DIO1: variants seen among roughly 807,000 people sequenced by gnomAD.
DIO1 encodes the protein iodothyronine deiodinase 1.
A neutral mutation model predicts 25.9 loss-of-function variants in DIO1; 17 were observed. The observed-to-expected ratio is 0.66, with a 90% CI of 0.45 to 0.98. The LOEUF (loss-of-function observed/expected upper bound fraction) is 0.98. Ranked by LOEUF, DIO1 falls within the 50% of genes least tolerant of loss-of-function variation. The pLI is 0.00. For missense variants in DIO1, 270 were observed against 310.4 expected, an observed-to-expected ratio of 0.87 and a Z score of 0.98; for synonymous variants, 115 against 114.0, an observed-to-expected ratio of 1.01 and a Z score of -0.05.
Position 53,894,524 on chromosome 1 carries a change from G to A in DIO1, c.314G>A (p.Cys105Tyr). ...GTGGTCCGCCTCTCAGGACAGAGGT[G>A]CAACATTTGGGAGTTTATGCAAGGT... ...CPVVRLSGQRCNIWEFMQGNR... is the reference protein window; with the variant it reads ...CPVVRLSGQRYNIWEFMQGNR... Residue 105 changes from cysteine (C) to tyrosine (Y), a missense_variant, in exon 1 of 4, where the codon TGC becomes TAC. Coordinates refer to ENST00000361921, the MANE Select transcript of DIO1 (RefSeq NM_000792.7). The surrounding 1 kb of genome is among the most constrained non-coding windows in gnomAD (Gnocchi z 4.9). The A allele has an allele frequency of 6.2e-7, 1 of 1,614,008 alleles. No individual in the cohort carries two copies. Among genetic ancestry groups the A allele is most frequent in the Non-Finnish European group, 8.5e-7 (1 of 1,179,928 alleles).
chr1:53,898,759 A>T (rs2100763037), intron 1 of DIO1, among the ~76,000 whole-genome samples: 1 of 151,728 alleles, frequency 6.6e-6, no homozygotes, highest in African/African-American at 2.4e-5. Context: ...AAAAAAAAAA[A>T]AAAAGAGACA....
At position 53,910,104 on chromosome 1, in the gene DIO1, G is replaced by C. The variant is rs1651872307; in HGVS notation, c.*105G>C. The stretch of plus-strand genomic sequence containing the variant: ...TTACCCTTGACCTGTGTCCCTAGCT[G>C]AATCACTAGCTCAGATTTTTCTGAT... On this transcript the variant is annotated 3_prime_UTR_variant, in exon 4 of 4. Coordinates refer to ENST00000361921, the MANE Select transcript of DIO1 (RefSeq NM_000792.7). 2 of 946,900 alleles carry C rather than the reference G, an allele frequency of 2.1e-6. No individual in the cohort carries two copies. The highest frequency in any genetic ancestry group is 3.4e-6 in the Non-Finnish European group (2 of 583,864). The allele number at this position is 946,900 out of a possible 1,614,324, so 58.7% of individuals were successfully genotyped here. A position where few individuals can be genotyped will look rare whatever the true frequency, so the allele number is the denominator to read the frequency against.
At chr1:53,900,329 C>T (rs993177098) in intron 1 of DIO1, among the ~76,000 whole-genome samples, 1 of 152,124 alleles carries the variant, frequency 6.6e-6, no homozygotes, top group African/African-American at 2.4e-5. Context: ...TCTGGCCAGG[C>T]GCAGTGGCTC....
intron 1 of DIO1, among the ~76,000 whole-genome samples, chr1:53,895,183 G>C (rs1042740008): frequency 6.6e-6 from 1 of 152,166 alleles, no homozygotes; most frequent in African/African-American, 2.4e-5. Flanking sequence ...CCGGCACTTT[G>C]GGAGATTGAG....
Position 53,906,336 on chromosome 1 carries a change from C to T in DIO1, c.681+42C>T, listed in dbSNP as rs754150735. The T allele has an allele frequency of 2.6e-6, 4 of 1,554,518 alleles. No individual in the cohort carries two copies. The South Asian group carries it at 4.6e-5, about 18-fold the overall frequency. On this transcript the variant is annotated intron_variant, in intron 3 of 3. Transcript: ENST00000361921. ...AGGGGGCCCAGGGAGGGCAAAGGGG[C>T]CCAGGGAGGGCAAGGGCAAAGAGAA...
At chr1:53,900,514 G>A (rs1249924018) in intron 1 of DIO1, among the ~76,000 whole-genome samples, 1 of 152,204 alleles carries the variant, frequency 6.6e-6, no homozygotes, top group Non-Finnish European at 1.5e-5. Context: ...TGAGGCAGGA[G>A]AATTCCTTGA....
chr1:53,908,071 A>C (rs1451318663), intron 3 of DIO1, among the ~76,000 whole-genome samples: 1 of 151,190 alleles, frequency 6.6e-6, no homozygotes, highest in East Asian at 1.9e-4. Flanking sequence ...AAAATACAAA[A>C]ATTAGCCAGG....
intron 1 of DIO1, among the ~76,000 whole-genome samples, chr1:53,895,348 C>T (rs1223658434): frequency 4.6e-5 from 7 of 152,116 alleles, no homozygotes; most frequent in Admixed American, 2.0e-4. Flanking sequence ...TCTTGAACCC[C>T]GGTGGCGGAG....
At chr1:53,908,414 G>A (rs1353612491) in intron 3 of DIO1, among the ~76,000 whole-genome samples, 1 of 152,162 alleles carries the variant, frequency 6.6e-6, no homozygotes, top group Non-Finnish European at 1.5e-5. Flanking sequence ...AGTAATCCCT[G>A]TCGCAACAAT....
Position 53,894,283 on chromosome 1 carries a change from G to A in DIO1, c.73G>A (p.Val25Met), listed in dbSNP as rs1202223496. The A allele has an allele frequency of 1.4e-5, 22 of 1,614,136 alleles. No homozygotes were observed. Among genetic ancestry groups the A allele is most frequent in the Middle Eastern group, 1.6e-4 (1 of 6,084 alleles). ...VLLEVAVHVV[V>M]GKVLLILFPD... ...CTTGGAGGTGGCTGTGCATGTGGTC[G>A]TGGGTAAAGTGCTTCTGATATTGTT... Residue 25 changes from valine to methionine, a missense_variant, in exon 1 of 4, where the codon GTG becomes ATG. By Grantham distance (21) the Val-to-Met change is conservative. Transcript: ENST00000361921. This position sits in a 1 kb window ranked among gnomAD's most constrained non-coding sequence, Gnocchi z 4.9.
chr1:53,909,844 C>T (rs1409983060), intron 3 of DIO1, 87 bp from the exon 4 acceptor site: 10 of 1,301,488 alleles, frequency 7.7e-6, no homozygotes, highest in Non-Finnish European at 1.0e-5. Flanking sequence ...ATTTGACCAC[C>T]TCTTGCAACT....
rs113762838 is a variant in DIO1, at chr1:53,906,193, T to C, written c.580T>C (p.Cys194Arg). ...AHLLLARSPQ[C>R]PVVVDTMQNQ... The stretch of plus-strand genomic sequence containing the variant: ...TCTACTGCTGGCCAGGAGCCCCCAG[T>C]GCCCTGTGGTGGTGGACACCATGCA... Residue 194 changes from cysteine to arginine, a missense_variant, in exon 3 of 4, where the codon TGC becomes CGC. Transcript: ENST00000361921. The C allele has an allele frequency of 6.2e-7, 1 of 1,614,172 alleles. No individual in the cohort carries two copies. Among genetic ancestry groups the C allele is most frequent in the Non-Finnish European group, 8.5e-7 (1 of 1,180,020 alleles).
At chr1:53,905,340 G>C in intron 2 of DIO1, among the ~76,000 whole-genome samples, 1 of 151,754 alleles carries the variant, frequency 6.6e-6, no homozygotes, top group Non-Finnish European at 1.5e-5. Context: ...TGCCCAGCTA[G>C]TTTTTTGTAT....
Position 53,910,729 on chromosome 1 carries a change from T to C in DIO1, c.*730T>C, listed in dbSNP as rs1426284683. 6.6e-6 allele frequency: 1 copy of C among 152,296 alleles called. No homozygotes were observed. The highest frequency in any genetic ancestry group is 1.5e-5 in the Non-Finnish European group (1 of 68,074). 9.4% of individuals were successfully genotyped at this position (152,296 alleles called of 1,614,324 possible). On this transcript the variant is annotated 3_prime_UTR_variant, in exon 4 of 4. Transcript: ENST00000361921. ...AAATCTAGCTCTCTGTACCCTGAAA[T>C]CTTCCACTAGCCTCACTTTTCAACA... is the stretch of plus-strand genomic sequence containing the variant.
chr1:53,897,827 A>G (rs1444260439), intron 1 of DIO1, among the ~76,000 whole-genome samples: 5 of 152,216 alleles, frequency 3.3e-5, no homozygotes, highest in African/African-American at 9.6e-5. Flanking sequence ...ACTCCAGCCT[A>G]GGTAACAGAG....
chr1:53,894,499 G>A lies in DIO1; in HGVS notation c.289G>A (p.Val97Met). 6.2e-7 allele frequency: 1 copy of A among 1,614,214 alleles called. No homozygotes were observed. The highest frequency in any genetic ancestry group is 1.6e-4 in the Middle Eastern group (1 of 6,062). The change falls in exon 1 of 4, where the codon GTG (valine) becomes ATG (methionine). Residue 97 changes from valine to methionine, a missense_variant. By Grantham distance (21) the Val-to-Met change is conservative. Transcript: ENST00000361921. The surrounding 1 kb of genome is among the most constrained non-coding windows in gnomAD (Gnocchi z 4.9). Reference sequence around the variant, plus strand: ...AGGGGGTCTGGCCCCAAACTGCCCGGTGGTCCGCCTCTCAGGACAGAGGTG... The same window carrying A: ...AGGGGGTCTGGCCCCAAACTGCCCGATGGTCCGCCTCTCAGGACAGAGGTG... Reference protein sequence around the residue: ...ELGGLAPNCPVVRLSGQRCNI... With the variant: ...ELGGLAPNCPMVRLSGQRCNI...
chr1:53,894,537 G>A lies in DIO1; in HGVS notation c.327G>A (p.Glu109=). Residue 109 remains glutamate (E), a synonymous_variant, in exon 1 of 4, where the codon GAG becomes GAA. Transcript: ENST00000361921. This position sits in a 1 kb window ranked among gnomAD's most constrained non-coding sequence, Gnocchi z 4.9. ...RLSGQRCNIW[E]FMQGNRPLVL... ...CAGGACAGAGGTGCAACATTTGGGA[G>A]TTTATGCAAGGTCAGGAGGCTGCCA... The A allele has an allele frequency of 2.5e-6, 4 of 1,613,312 alleles. No homozygotes were observed. The highest frequency in any genetic ancestry group is 2.7e-5 in the African/African-American group (2 of 75,048).
Position 53,899,788 on chromosome 1 carries a change from G to A in DIO1, c.338-4878G>A, listed in dbSNP as rs200554432. On this transcript the variant is annotated intron_variant, in intron 1 of 3. Transcript: ENST00000361921. ...ATTCCTGGGCTCAAGCAGTCTTGCTGCCTCAGCCTCCCAAGTAGCTGGGAC... is the reference window on the plus strand; with the variant it reads ...ATTCCTGGGCTCAAGCAGTCTTGCTACCTCAGCCTCCCAAGTAGCTGGGAC... Among the ~76,000 whole-genome samples, 3 of 152,272 alleles carry A rather than the reference G, an allele frequency of 2.0e-5. No homozygotes were observed. The East Asian group carries it at 5.8e-4, about 29-fold the overall frequency.
At chr1:53,898,883 T>A (rs562378016) in intron 1 of DIO1, among the ~76,000 whole-genome samples, 2 of 152,222 alleles carry the variant, frequency 1.3e-5, no homozygotes, top group Middle Eastern at 3.4e-3. Flanking sequence ...TCTTTACTGA[T>A]AATCTAAAGC....
Sources: gnomAD v4.1 joint callset for allele counts (sites outside exome capture counted in the v4.1 genomes callset) on GRCh38, gnomAD v4.1.1 for gene constraint, Gnocchi (gnomAD v3.1) non-coding constraint, MANE v1.5 for transcripts, NCBI Gene and HGNC (gene_info 2026-07-23, HGNC 2026-07-21) for gene names.